The following LARGE1 variants were observed in gnomAD, a reference collection of about 807,000 sequenced individuals.
The protein encoded by LARGE1 is LARGE xylosyl- and glucuronyltransferase 1.
LARGE1 carries 43 observed loss-of-function variants against 87.6 expected under a neutral mutation model. The observed-to-expected ratio is 0.49, with a 90% confidence interval of 0.38 to 0.63. The LOEUF (loss-of-function observed/expected upper bound fraction) is 0.63, where lower values mean the gene tolerates loss of function less well. Among genes scored for constraint, LARGE1 ranks in the 30% least tolerant of loss-of-function variants. The pLI is 0.00. For synonymous variants in LARGE1, 434 were observed against 394.6 expected (o/e 1.10, Z -1.18); for missense variants, 802 against 1,000.2 (o/e 0.80, Z 2.67).
intron 6 of LARGE1, among the ~76,000 whole-genome samples, chr22:33,484,073 C>T (rs181116712): frequency 1.7e-4 from 26 of 152,288 alleles, no homozygotes; most frequent in African/African-American, 3.8e-4. Context: ...GGGCTGTACA[C>T]GTGACACCTT....
At chr22:33,127,706 A>G in the LARGE1 span, among the ~76,000 whole-genome samples, 1 of 152,226 alleles carries the variant, frequency 6.6e-6, no homozygotes, top group Non-Finnish European at 1.5e-5. Context: ...ATGGGTAATA[A>G]TAAGGAGGGT....
chr22:33,426,102 G>A (rs2066868047), intron 7 of LARGE1, among the ~76,000 whole-genome samples: 1 of 152,096 alleles, frequency 6.6e-6, no homozygotes, highest in African/African-American at 2.4e-5. Context: ...TCTGGAATTA[G>A]TCTAGAAAAC....
rs192305106 is a variant in LARGE1, at chr22:33,894,689, C to A, written c.-83+25306G>T. 5.2e-3 allele frequency among the ~76,000 whole-genome samples: 796 copies of A among 152,080 alleles called. 6 individuals carry two copies. Among genetic ancestry groups the A allele is most frequent in the Non-Finnish European group, 7.1e-3 (484 of 67,992 alleles). On this transcript the variant is annotated intron_variant, in intron 1 of 14. Transcript: ENST00000397394. ...TTGGAGTTCTCATCCTTGTCTGGAC[C>A]CATATCTGGTCCAAGGTCACACACA...
chr22:33,744,109 T>A (rs571663619), intron 2 of LARGE1: 2 of 152,254 alleles, frequency 1.3e-5, no homozygotes, highest in African/African-American at 2.4e-5. Context: ...TTTAATACTC[T>A]ATTTTATTTG....
chr22:33,069,067 T>A, the LARGE1 span, among the ~76,000 whole-genome samples: 1 of 152,132 alleles, frequency 6.6e-6, no homozygotes, highest in Non-Finnish European at 1.5e-5. Flanking sequence ...GATCTCCCAG[T>A]CTTAGTCTAG....
At chr22:33,089,321 T>TTCTTCTTC in the LARGE1 span, among the ~76,000 whole-genome samples, 15 of 87,080 alleles carry the variant, frequency 1.7e-4, no homozygotes, top group African/African-American at 6.5e-4. Context: ...TTCTTTCTTC[T>TTCTTCTTC]TTCTTCTTCT....
intron 2 of LARGE1, among the ~76,000 whole-genome samples, chr22:33,751,476 C>T (rs1312190865): frequency 7.1e-6 from 1 of 141,752 alleles, no homozygotes; most frequent in African/African-American, 2.9e-5. Flanking sequence ...CAGATTGAGA[C>T]TCCATCTCAA....
At chr22:33,183,452 C>T (rs1923280606) in intron 11 of LARGE1, among the ~76,000 whole-genome samples, 1 of 152,116 alleles carries the variant, frequency 6.6e-6, no homozygotes, top group Non-Finnish European at 1.5e-5. Flanking sequence ...AGCAATACCA[C>T]ATGATCTGGC....
chr22:33,898,087 G>T (rs2065190981), intron 1 of LARGE1, among the ~76,000 whole-genome samples: 1 of 152,166 alleles, frequency 6.6e-6, no homozygotes, highest in Non-Finnish European at 1.5e-5. Flanking sequence ...CACCCAAAAG[G>T]TACCCAACAA....
chr22:33,895,606 G>A (rs1366066674), intron 1 of LARGE1, among the ~76,000 whole-genome samples: 1 of 152,120 alleles, frequency 6.6e-6, no homozygotes, highest in Non-Finnish European at 1.5e-5. Context: ...CCTTCTTGCT[G>A]GCTGTGGGCA....
intron 6 of LARGE1, among the ~76,000 whole-genome samples, chr22:33,479,111 T>C (rs1416464202): frequency 6.6e-6 from 1 of 152,220 alleles, no homozygotes; most frequent in Non-Finnish European, 1.5e-5. Flanking sequence ...AGGTGCCAAC[T>C]TCCTCTGTGG....
At chr22:33,785,004 T>TATGTGTATACATACATATGTGTATATAC (rs1408978704) in intron 1 of LARGE1, among the ~76,000 whole-genome samples, 3 of 145,418 alleles carry the variant, frequency 2.1e-5, no homozygotes, top group African/African-American at 8.3e-5. Context: ...TGTATATACA[T>TATGTGTATACATACATATGTGTATATAC]ATATGTGTAT....
At chr22:33,526,824 A>G (rs562079309) in intron 6 of LARGE1, among the ~76,000 whole-genome samples, 22 of 152,324 alleles carry the variant, frequency 1.4e-4, no homozygotes, top group African/African-American at 5.1e-4. Context: ...CCATTTGATT[A>G]AAAAAATACA....
At chr22:33,614,583 A>T (rs2079529978) in intron 4 of LARGE1, among the ~76,000 whole-genome samples, 1 of 152,052 alleles carries the variant, frequency 6.6e-6, no homozygotes, top group Non-Finnish European at 1.5e-5. Context: ...TTTCTCCCTC[A>T]GTTCTGCCTG....
At chr22:33,120,358 T>TTTTCTTTCTTTC in the LARGE1 span, among the ~76,000 whole-genome samples, 6,617 of 118,492 alleles carry the variant, frequency 0.056, 238 homozygotes, top group Non-Finnish European at 0.064. Flanking sequence ...TTTTCTTTCT[T>TTTTCTTTCTTTC]TTTCTTTCTT....
At chr22:33,426,176 C>T (rs767123659) in intron 7 of LARGE1, among the ~76,000 whole-genome samples, 2 of 152,140 alleles carry the variant, frequency 1.3e-5, no homozygotes, top group Non-Finnish European at 2.9e-5. Context: ...ATGGAAGAGG[C>T]TCAAGTCATA....
intron 11 of LARGE1, among the ~76,000 whole-genome samples, chr22:33,183,638 A>ACGCACGCG (rs1555880694): frequency 9.2e-6 from 1 of 108,940 alleles, no homozygotes; most frequent in Non-Finnish European, 2.2e-5. Context: ...ACACACACAC[A>ACGCACGCG]CACACACACA....
chr22:33,768,356 T>G (rs2084967365), intron 1 of LARGE1, among the ~76,000 whole-genome samples: 1 of 152,002 alleles, frequency 6.6e-6, no homozygotes, highest in Non-Finnish European at 1.5e-5. Flanking sequence ...GATGTTAGCT[T>G]TATTATCATT....
intron 11 of LARGE1, among the ~76,000 whole-genome samples, chr22:33,225,746 G>A (rs1568980491): frequency 6.6e-6 from 1 of 151,912 alleles, no homozygotes; most frequent in African/African-American, 2.4e-5. Flanking sequence ...ACTGTCTGTT[G>A]TTCCCCTCTA....
Sources: gnomAD v4.1 joint callset for allele counts (sites outside exome capture counted in the v4.1 genomes callset) on GRCh38, gnomAD v4.1.1 for gene constraint, MANE v1.5 for transcripts, NCBI Gene and HGNC (gene_info 2026-07-23, HGNC 2026-07-21) for gene names.